Variants in NPAS3 observed in about 807,000 individuals in gnomAD.
NPAS3 encodes neuronal PAS domain-containing protein 3.
A neutral mutation model predicts 73.1 loss-of-function variants in NPAS3; 14 were observed. That is an observed-to-expected ratio of 0.19 (90% confidence interval 0.13 to 0.30). NPAS3 has a LOEUF of 0.30. NPAS3 is among the 10% of genes least tolerant of loss of function. NPAS3 has a pLI of 1.00. For synonymous variants in NPAS3, 620 were observed against 541.5 expected, an observed-to-expected ratio of 1.14 and a Z score of -2.01; for missense variants, 1,096 against 1,250.0, an observed-to-expected ratio of 0.88 and a Z score of 1.86.
chr14:33,631,173 G>A (rs991217374), intron 5 of NPAS3, among the ~76,000 whole-genome samples: 2 of 152,154 alleles, frequency 1.3e-5, no homozygotes, highest in Admixed American at 6.5e-5. Flanking sequence ...ATTGTTTGGA[G>A]CTTCTTTAGA....
Position 33,789,583 on chromosome 14 carries a change from C to CTTTTTTTTTTTT in NPAS3, c.1154-4302_1154-4291dup, listed in dbSNP as rs10567527. Among the ~76,000 whole-genome samples, 84 of 92,408 alleles carry CTTTTTTTTTTTT rather than the reference C, an allele frequency of 9.1e-4. 12 individuals carry two copies. The highest frequency in any genetic ancestry group is 2.9e-3 in the African/African-American group (66 of 23,084). 60.6% of individuals were successfully genotyped at this position (92,408 alleles called of 152,430 possible). On this transcript the variant is annotated intron_variant, in intron 9 of 11. Coordinates refer to ENST00000356141, the Ensembl canonical transcript of NPAS3. ...ACTAAAAGTAATTACTAGAGTACAA[C>CTTTTTTTTTTTT]TTTTTTTTTTTTTTTTTTTTTTTGA... is the stretch of plus-strand genomic sequence containing the variant.
intron 3 of NPAS3, among the ~76,000 whole-genome samples, chr14:33,239,694 A>AT (rs1269862034): frequency 6.6e-6 from 1 of 151,912 alleles, no homozygotes; most frequent in Non-Finnish European, 1.5e-5. Flanking sequence ...CGTTTTTAAC[A>AT]TAAACATTAT....
intron 3 of NPAS3, among the ~76,000 whole-genome samples, chr14:33,320,912 T>G (rs2043415365): frequency 6.6e-6 from 1 of 152,150 alleles, no homozygotes; most frequent in African/African-American, 2.4e-5. Flanking sequence ...TTTGAAGGAT[T>G]GAGTTCAAGA....
intron 7 of NPAS3, among the ~76,000 whole-genome samples, chr14:33,751,626 T>C (rs2061965250): frequency 6.6e-6 from 1 of 152,162 alleles, no homozygotes; most frequent in South Asian, 2.1e-4. Context: ...AAAACCTACA[T>C]TTCAGGCGCC....
At chr14:33,378,529 G>A (rs982950585) in intron 4 of NPAS3, among the ~76,000 whole-genome samples, 1 of 152,102 alleles carries the variant, frequency 6.6e-6, no homozygotes, top group Non-Finnish European at 1.5e-5. Context: ...CCAGCCACTC[G>A]GGAGGCTGAG....
At chr14:33,181,244 A>G (rs1379852857) in intron 2 of NPAS3, among the ~76,000 whole-genome samples, 1 of 152,188 alleles carries the variant, frequency 6.6e-6, no homozygotes, top group African/African-American at 2.4e-5. Flanking sequence ...GCAGTTGTGT[A>G]TATTTGTGGA....
chr14:33,346,395 G>C (rs1453912169), intron 3 of NPAS3, among the ~76,000 whole-genome samples: 1 of 151,838 alleles, frequency 6.6e-6, no homozygotes, highest in Non-Finnish European at 1.5e-5. Flanking sequence ...CAGGCATGTT[G>C]TCACATGCCT....
Position 33,800,849 on chromosome 14 carries a change from G to A in NPAS3, c.2542G>A (p.Ala848Thr), listed in dbSNP as rs928988596. ...CATGCAGAGCAACCTGCTGCCCAAC[G>A]CGCACGCTGTTAACTTCGTGGACGT... The change falls in exon 12 of 12, where the codon GCG becomes ACG. Residue 848 changes from alanine (A) to threonine (T), a missense_variant. Transcript: ENST00000356141. The surrounding 1 kb of genome is among the most constrained non-coding windows in gnomAD (Gnocchi z 6.5). The A allele has an allele frequency of 1.2e-6, 2 of 1,604,772 alleles. No homozygotes were observed. Among genetic ancestry groups the A allele is most frequent in the Non-Finnish European group, 1.7e-6 (2 of 1,176,192 alleles).
At chr14:33,533,522 A>G (rs912046224) in intron 4 of NPAS3, among the ~76,000 whole-genome samples, 1 of 152,176 alleles carries the variant, frequency 6.6e-6, no homozygotes, top group African/African-American at 2.4e-5. Flanking sequence ...ATTGATGAGA[A>G]TGCATAGTTC....
intron 3 of NPAS3, among the ~76,000 whole-genome samples, chr14:33,285,583 T>G (rs1220676614): frequency 6.6e-6 from 1 of 152,150 alleles, no homozygotes; most frequent in Non-Finnish European, 1.5e-5. Flanking sequence ...AGAAGCTAGG[T>G]CTCAGGTTAA....
chr14:33,134,415 T>C (rs2043757950), intron 2 of NPAS3, among the ~76,000 whole-genome samples: 1 of 152,172 alleles, frequency 6.6e-6, no homozygotes, highest in Admixed American at 6.6e-5. Flanking sequence ...AAACACTCAA[T>C]TTTACATCAA....
At chr14:33,168,476 G>T (rs1434849740) in intron 2 of NPAS3, among the ~76,000 whole-genome samples, 2 of 152,184 alleles carry the variant, frequency 1.3e-5, no homozygotes, top group African/African-American at 4.8e-5. Flanking sequence ...CCTGTCTGAG[G>T]AGGTAATTTG....
chr14:33,133,254 A>T (rs1011901401), intron 2 of NPAS3, among the ~76,000 whole-genome samples: 11 of 152,190 alleles, frequency 7.2e-5, no homozygotes, highest in African/African-American at 2.4e-4. Context: ...AAGGATATGC[A>T]CACATACACT....
intron 5 of NPAS3, among the ~76,000 whole-genome samples, chr14:33,659,446 C>G (rs1284790341): frequency 6.6e-6 from 1 of 152,190 alleles, no homozygotes; most frequent in Non-Finnish European, 1.5e-5. Flanking sequence ...AGCCATGAAA[C>G]TGGACCTGAC....
intron 5 of NPAS3, among the ~76,000 whole-genome samples, chr14:33,674,338 CAG>C (rs778104931): frequency 1.3e-5 from 2 of 152,294 alleles, no homozygotes; most frequent in African/African-American, 4.8e-5. Context: ...AGAAAAGTGA[CAG>C]AAATATTTAC....
intron 6 of NPAS3, among the ~76,000 whole-genome samples, chr14:33,703,888 TA>T (rs1463576101): frequency 6.6e-6 from 1 of 152,156 alleles, no homozygotes; most frequent in African/African-American, 2.4e-5. Flanking sequence ...TTCAACCCAG[TA>T]GCCTGACCCC....
At chr14:33,034,443 A>C (rs923542902) in intron 1 of NPAS3, among the ~76,000 whole-genome samples, 2 of 151,756 alleles carry the variant, frequency 1.3e-5, no homozygotes, top group South Asian at 4.2e-4. Flanking sequence ...GATCTGAGTT[A>C]TATAAGGAAA....
intron 5 of NPAS3, among the ~76,000 whole-genome samples, chr14:33,645,306 T>C: frequency 6.6e-6 from 1 of 152,072 alleles, no homozygotes; most frequent in East Asian, 1.9e-4. Flanking sequence ...TGATATCCTC[T>C]GGGGGTGGGA....
intron 5 of NPAS3, among the ~76,000 whole-genome samples, chr14:33,670,419 A>G (rs936310101): frequency 6.6e-6 from 1 of 152,226 alleles, no homozygotes; most frequent in Non-Finnish European, 1.5e-5. Context: ...AATACATAGA[A>G]TGAGACAGAG....
Sources: gnomAD v4.1 joint callset for allele counts (sites outside exome capture counted in the v4.1 genomes callset) on GRCh38, gnomAD v4.1.1 for gene constraint, Gnocchi (gnomAD v3.1) non-coding constraint, MANE v1.5 for transcripts, NCBI Gene and HGNC (gene_info 2026-07-23, HGNC 2026-07-21) for gene names.